Variants in SDK1 observed in about 807,000 individuals in gnomAD.
The protein encoded by SDK1 is protein sidekick-1.
SDK1 carries 157 observed loss-of-function variants against 245.5 expected under a neutral mutation model. The observed-to-expected ratio is 0.64, with a 90% CI of 0.56 to 0.73. The LOEUF (loss-of-function observed/expected upper bound fraction) is 0.73, where lower values mean the gene tolerates loss of function less well. Ranked by LOEUF, SDK1 falls within the 30% of genes least tolerant of loss-of-function variation. The probability of loss-of-function intolerance (pLI) is 0.00; values close to 1 mark genes in which losing one functional copy is unlikely to be tolerated. For missense variants in SDK1, 3,583 were observed against 3,002.3 expected (o/e 1.19, Z -4.52); for synonymous variants, 1,647 against 1,278.5 (o/e 1.29, Z -6.15).
At chr7:3,334,314 G>GTTCTCATTCTACGCTGGCCTCTTTCA (rs1780144403) in intron 1 of SDK1, among the ~76,000 whole-genome samples, 1 of 152,226 alleles carries the variant, frequency 6.6e-6, no homozygotes, top group Non-Finnish European at 1.5e-5. Context: ...GAAAGCAGCA[G>GTTCTCATTCTACGCTGGCCTCTTTCA]TTCTCATTCT....
intron 1 of SDK1, among the ~76,000 whole-genome samples, chr7:3,492,321 C>T (rs753092218): frequency 7.2e-5 from 11 of 152,052 alleles, no homozygotes; most frequent in South Asian, 2.1e-4. Flanking sequence ...GGTGAAACCC[C>T]GTCTCTACTA....
intron 5 of SDK1, among the ~76,000 whole-genome samples, chr7:3,949,304 C>A (rs755263674): frequency 5.9e-5 from 9 of 152,210 alleles, no homozygotes; most frequent in Non-Finnish European, 1.0e-4. Flanking sequence ...CATCAGGCTT[C>A]TGTTTTTCTT....
At chr7:3,766,411 A>G (rs981608538) in intron 4 of SDK1, among the ~76,000 whole-genome samples, 3 of 152,204 alleles carry the variant, frequency 2.0e-5, no homozygotes, top group Admixed American at 6.5e-5. Context: ...CTCTGAAGTT[A>G]GACTACCTTG....
chr7:3,606,510 C>T (rs576622620), intron 1 of SDK1, among the ~76,000 whole-genome samples: 1 of 152,202 alleles, frequency 6.6e-6, no homozygotes, highest in Non-Finnish European at 1.5e-5. Flanking sequence ...TACTTTTTAC[C>T]CTCATCTGTC....
chr7:4,156,491 A>G (rs1780747454), intron 30 of SDK1, among the ~76,000 whole-genome samples: 1 of 152,166 alleles, frequency 6.6e-6, no homozygotes, highest in Non-Finnish European at 1.5e-5. Flanking sequence ...AGGGTCTGAG[A>G]TGTGCCTGCG....
rs1779789352 is a variant in SDK1 at position 3,826,914 on chromosome 7, G to A, written c.847+5331G>A. Among the ~76,000 whole-genome samples, 5 of 152,128 alleles carry A rather than the reference G, an allele frequency of 3.3e-5. No homozygotes were observed. In the South Asian group the frequency reaches 1.0e-3, roughly 32 times the overall value. On this transcript the variant is annotated intron_variant, in intron 5 of 44. Transcript: ENST00000404826. ...GTTTTAGAAGAGGAGTGTAGCTGGT[G>A]GCTCCCAGCAAGACTTCACTCACCA...
At chr7:3,743,999 TCA>T (rs1224664581) in intron 4 of SDK1, among the ~76,000 whole-genome samples, 8 of 152,308 alleles carry the variant, frequency 5.3e-5, no homozygotes, top group Non-Finnish European at 1.2e-4. Flanking sequence ...ACAGCTTGAC[TCA>T]CAGATTCTGT....
chr7:4,263,232 G>C, intron 44 of SDK1, among the ~76,000 whole-genome samples: 1 of 111,906 alleles, frequency 8.9e-6, no homozygotes, highest in Admixed American at 1.1e-4. Context: ...GAATCCTTTT[G>C]TTTTGGTCTG....
In SDK1 at chr7:3,560,477, A is replaced by T. The variant is rs6947205; in HGVS notation, c.299-58603A>T. Among the ~76,000 whole-genome samples the T allele has an allele frequency of 5.9e-3, 898 of 151,894 alleles. 8 individuals carry two copies. The highest frequency in any genetic ancestry group is 0.02 in the African/African-American group (826 of 41,396). ...GTGTTGGATAGTATCATTGGGTTTG[A>T]CTTGAGAATATATCTGGAATTTGGT... On this transcript the variant is annotated intron_variant, in intron 1 of 44. Transcript: ENST00000404826.
At chr7:3,675,306 T>G (rs1783856671) in intron 4 of SDK1, among the ~76,000 whole-genome samples, 2 of 152,244 alleles carry the variant, frequency 1.3e-5, no homozygotes. Flanking sequence ...CTGCTACCAC[T>G]TTGGACCAAG....
chr7:3,974,207 A>C (rs75912373), intron 12 of SDK1, among the ~76,000 whole-genome samples, 162 bp from the exon 13 acceptor site: 1 of 151,674 alleles, frequency 6.6e-6, no homozygotes, highest in Non-Finnish European at 1.5e-5. Flanking sequence ...AAAAGAAAGA[A>C]AGAAAAAGAA....
intron 1 of SDK1, among the ~76,000 whole-genome samples, chr7:3,502,135 C>T: frequency 6.6e-6 from 1 of 151,980 alleles, no homozygotes; most frequent in East Asian, 1.9e-4. Context: ...GTTAGAAATT[C>T]AGGTGTACAC....
intron 4 of SDK1, among the ~76,000 whole-genome samples, chr7:3,694,960 T>C (rs1784532552): frequency 6.6e-6 from 1 of 152,200 alleles, no homozygotes; most frequent in African/African-American, 2.4e-5. Flanking sequence ...AGTGTCTTCT[T>C]ATTGATCTAC....
intron 4 of SDK1, among the ~76,000 whole-genome samples, chr7:3,704,296 A>G (rs1232018387): frequency 6.7e-6 from 1 of 149,902 alleles, no homozygotes; most frequent in Non-Finnish European, 1.5e-5. Context: ...TCATTGTTTG[A>G]TGCCACATTT....
chr7:3,802,349 C>A (rs192040570), intron 4 of SDK1, among the ~76,000 whole-genome samples: 1 of 152,006 alleles, frequency 6.6e-6, no homozygotes, highest in Non-Finnish European at 1.5e-5. Flanking sequence ...CATACCAAGA[C>A]CTTATTTCTA....
In SDK1 at chr7:3,746,828, G is replaced by C. The variant is rs573188343; in HGVS notation, c.714-74622G>C. 2.9e-4 allele frequency among the ~76,000 whole-genome samples: 44 copies of C among 152,246 alleles called. No homozygotes were observed. The South Asian group carries it at 8.3e-3, about 29-fold the overall frequency. On this transcript the variant is annotated intron_variant, in intron 4 of 44. Coordinates refer to ENST00000404826, the MANE Select transcript of SDK1 (RefSeq NM_152744.4). ...AACTCACCCATGAGGGGTGGAGTCA[G>C]CTTCTCCCAAACTCCTGTTAATGTT...
intron 5 of SDK1, among the ~76,000 whole-genome samples, chr7:3,913,855 T>C (rs1168241026): frequency 1.3e-5 from 2 of 152,198 alleles, no homozygotes; most frequent in African/African-American, 2.4e-5. Context: ...TTTGCTTCAC[T>C]AACCTTTAAG....
At chr7:3,932,713 C>G (rs563375539) in intron 5 of SDK1, among the ~76,000 whole-genome samples, 1 of 152,352 alleles carries the variant, frequency 6.6e-6, no homozygotes, top group South Asian at 2.1e-4. Flanking sequence ...TCGTTCTTCA[C>G]TATCAAAGCA....
chr7:3,956,251 T>C (rs1357983510), intron 7 of SDK1, among the ~76,000 whole-genome samples: 1 of 152,182 alleles, frequency 6.6e-6, no homozygotes, highest in Non-Finnish European at 1.5e-5. Flanking sequence ...ATGCACAGGA[T>C]GACTCATTTA....
Sources: allele counts gnomAD v4.1 joint callset (sites outside exome capture counted in the v4.1 genomes callset), GRCh38; gene constraint gnomAD v4.1.1; transcripts MANE v1.5; gene names NCBI Gene and HGNC (gene_info 2026-07-23, HGNC 2026-07-21).